The following NGLY1 variants were observed in gnomAD, a reference collection of about 807,000 sequenced individuals.
The protein encoded by NGLY1 is N-glycanase 1, also known as peptide-N(4)-(N-acetyl-beta-glucosaminyl)asparagine amidase.
Under a neutral mutation model 84.6 loss-of-function variants are expected in NGLY1, and 68 were observed. That is an observed-to-expected ratio of 0.80 (90% CI 0.66 to 0.98). NGLY1 has a LOEUF of 0.98. Ranked by LOEUF, NGLY1 falls within the 50% of genes least tolerant of loss-of-function variation. NGLY1 has a pLI of 0.00. For synonymous variants in NGLY1, 280 were observed against 275.2 expected, an observed-to-expected ratio of 1.02 and a Z score of -0.17; for missense variants, 779 against 770.2, an observed-to-expected ratio of 1.01 and a Z score of -0.14.
At chr3:25,722,000 T>C (rs1033179336) in intron 10 of NGLY1, among the ~76,000 whole-genome samples, 1 of 151,574 alleles carries the variant, frequency 6.6e-6, no homozygotes, top group Non-Finnish European at 1.5e-5. Flanking sequence ...GTCGGATCAC[T>C]TGAGGTTAGG....
At chr3:25,725,666 A>ATTGC (rs753973928) in intron 10 of NGLY1, among the ~76,000 whole-genome samples, 2 of 152,130 alleles carry the variant, frequency 1.3e-5, no homozygotes, top group Admixed American at 6.5e-5. Flanking sequence ...CTGCTGCAGA[A>ATTGC]TTGCTTGCTT....
chr3:25,789,892 C>T (rs1261082847), exon 1 of NGLY1: 2 of 1,551,628 alleles, frequency 1.3e-6, no homozygotes, highest in East Asian at 4.9e-5. Flanking sequence ...CCTCGATTAT[C>T]GGCGAGTCAC....
intron 10 of NGLY1, among the ~76,000 whole-genome samples, chr3:25,727,651 C>T (rs1165592996): frequency 6.6e-6 from 1 of 152,136 alleles, no homozygotes; most frequent in Non-Finnish European, 1.5e-5. Context: ...ATCGTGAGGT[C>T]AGGAATCATC....
Position 25,719,189 on chromosome 3 carries a change from A to G in NGLY1, c.*271T>C, listed in dbSNP as rs1704852059. On this transcript the variant is annotated 3_prime_UTR_variant, in exon 12 of 12. Coordinates refer to ENST00000280700, the MANE Select transcript of NGLY1 (RefSeq NM_018297.4). ...TCATGAATATCATTATTTAACTTTT[A>G]AAACCATACTTACAGTTTTAGATTA... 2 of 260,290 alleles carry G rather than the reference A, an allele frequency of 7.7e-6. No homozygotes were observed. Among genetic ancestry groups the G allele is most frequent in the African/African-American group, 2.2e-5 (1 of 45,580 alleles). 16.1% of individuals were successfully genotyped at this position (260,290 alleles called of 1,614,324 possible).
At chr3:25,786,526 C>T (rs1237022408), upstream of NGLY1, among the ~76,000 whole-genome samples, 4 of 152,252 alleles carry the variant, frequency 2.6e-5, no homozygotes, top group South Asian at 6.2e-4. Context: ...GCTTATTCAG[C>T]TTTTCTAAAG....
intron 4 of NGLY1, chr3:25,749,811 G>A: frequency 8.0e-7 from 1 of 1,256,180 alleles, no homozygotes; most frequent in South Asian, 1.2e-5. Flanking sequence ...TCCAAGAACT[G>A]CAAAGCCATC....
intron 4 of NGLY1, among the ~76,000 whole-genome samples, chr3:25,742,614 T>C (rs571935307): frequency 6.6e-6 from 1 of 152,166 alleles, no homozygotes; most frequent in Non-Finnish European, 1.5e-5. Flanking sequence ...ATTAGTTACA[T>C]TAAAAACAAA....
upstream of NGLY1, among the ~76,000 whole-genome samples, chr3:25,786,672 T>C (rs1245728464): frequency 2.0e-5 from 3 of 152,210 alleles, no homozygotes; most frequent in Non-Finnish European, 4.4e-5. Flanking sequence ...AGATTACAGT[T>C]ACTCAAGAAC....
intron 2 of NGLY1, among the ~76,000 whole-genome samples, chr3:25,767,780 G>T (rs1319506416): frequency 1.3e-5 from 2 of 152,142 alleles, no homozygotes; most frequent in African/African-American, 2.4e-5. Flanking sequence ...AATGAAACCA[G>T]ATCCCATCTG....
intron 2 of NGLY1, among the ~76,000 whole-genome samples, chr3:25,766,586 A>C (rs1388426288): frequency 6.6e-6 from 1 of 152,246 alleles, no homozygotes; most frequent in Non-Finnish European, 1.5e-5. Context: ...CGACTGGCAC[A>C]AATTGTAACA....
chr3:25,737,190 G>A (rs1705870997), intron 6 of NGLY1, 144 bp downstream of exon 6: 2 of 609,576 alleles, frequency 3.3e-6, no homozygotes, highest in East Asian at 5.8e-5. Context: ...TGGAAGGTTG[G>A]TATTATTACT....
intron 1 of NGLY1, among the ~76,000 whole-genome samples, chr3:25,782,049 G>T (rs1488994): frequency 0.66 from 100,153 of 152,164 alleles, 38,868 homozygotes; most frequent in East Asian, 0.94. Context: ...GAGCACGAAG[G>T]TGGTCCCCAC....
At chr3:25,756,893 T>C (rs1707064061) in intron 3 of NGLY1, among the ~76,000 whole-genome samples, 1 of 152,206 alleles carries the variant, frequency 6.6e-6, no homozygotes, top group Admixed American at 6.6e-5. Flanking sequence ...GTAATATTGC[T>C]GAACACTTTC....
chr3:25,731,626 A>G (rs1317315036), intron 9 of NGLY1, among the ~76,000 whole-genome samples: 1 of 152,122 alleles, frequency 6.6e-6, no homozygotes, highest in Admixed American at 6.6e-5. Context: ...AAACATATTC[A>G]CTGAAAACGT....
At position 25,783,407 on chromosome 3, in the gene NGLY1, GCGCCGCCGCCGCCCCT is replaced by G. The variant is rs1708516866; in HGVS notation, c.-33_-18del. On this transcript the variant is annotated 5_prime_UTR_variant, in exon 1 of 12. Coordinates refer to ENST00000280700, the MANE Select transcript of NGLY1 (RefSeq NM_018297.4). The surrounding 1 kb of genome is among the most constrained non-coding windows in gnomAD (Gnocchi z 4.5). ...CGCCGCCATGCTTGAGCGCCAGCGG[GCGCCGCCGCCGCCCCT>G]CGCTCTCCGCGTCCCACACTGAGCA... 6.6e-7 allele frequency: 1 copy of G among 1,522,554 alleles called. No homozygotes were observed. The highest frequency in any genetic ancestry group is 8.8e-7 in the Non-Finnish European group (1 of 1,136,374). 94.3% of individuals were successfully genotyped at this position (1,522,554 alleles called of 1,614,324 possible).
At chr3:25,736,483 G>A (rs1705832380) in intron 6 of NGLY1, 1 of 1,039,978 alleles carries the variant, frequency 9.6e-7, no homozygotes, top group African/African-American at 1.6e-5. Flanking sequence ...TGCCACTTTT[G>A]AAACTACAGT....
chr3:25,734,028 T>C lies in NGLY1; in HGVS notation c.1150-46A>G, dbSNP rs749843053. ...CAAATACTTAACAAGATTACAACCA[T>C]CAACCTTTACTTACTAAATACCTAG... On this transcript the variant is annotated intron_variant, in intron 7 of 11. Transcript: ENST00000280700. 6.9e-6 allele frequency: 11 copies of C among 1,600,046 alleles called. No individual in the cohort carries two copies. In the East Asian group the frequency reaches 2.5e-4, roughly 36 times the overall value.
In NGLY1 at chr3:25,720,071, T is replaced by C. The variant is rs780662676; in HGVS notation, c.1732A>G (p.Thr578Ala). Residue 578 changes from threonine (T) to alanine (A), a missense_variant, in exon 11 of 12, where the codon ACT becomes GCT. Thr to Ala is a moderately conservative substitution (Grantham distance 58). Transcript: ENST00000280700. Reference protein sequence around the residue: ...SIRTSSQTFQTGTVEWKLRSD... With the variant: ...SIRTSSQTFQAGTVEWKLRSD... ...CGCAATTTCCATTCTACTGTTCCAG[T>C]CTGAAAAGTTTGACTACTTGTTCTA... The C allele has an allele frequency of 1.2e-6, 2 of 1,613,934 alleles. No individual in the cohort carries two copies. Among genetic ancestry groups the C allele is most frequent in the Non-Finnish European group, 1.7e-6 (2 of 1,179,876 alleles).
At chr3:25,738,608 A>G (rs965206409) in intron 5 of NGLY1, among the ~76,000 whole-genome samples, 1 of 152,122 alleles carries the variant, frequency 6.6e-6, no homozygotes. Context: ...AAATGAATTT[A>G]TAACTTAGGT....
Sources: allele counts gnomAD v4.1 joint callset (sites outside exome capture counted in the v4.1 genomes callset), GRCh38; gene constraint gnomAD v4.1.1; non-coding constraint Gnocchi (gnomAD v3.1); transcripts MANE v1.5; gene names NCBI Gene and HGNC (gene_info 2026-07-23, HGNC 2026-07-21).